SYNGR4: variants seen among roughly 807,000 people sequenced by gnomAD.
SYNGR4 encodes synaptogyrin-4.
In SYNGR4, 15 loss-of-function variants were observed where a neutral mutation model predicts 15.5. The ratio of observed to expected loss-of-function variants is 0.97; its 90% CI spans 0.65 to 1.49. The LOEUF (loss-of-function observed/expected upper bound fraction) is 1.49. Ranked by LOEUF, SYNGR4 falls within the 40% of genes most tolerant of loss-of-function variation. The pLI is 0.00. For missense variants in SYNGR4, 292 were observed against 299.3 expected, an observed-to-expected ratio of 0.98 and a Z score of 0.18; for synonymous variants, 121 against 127.4, an observed-to-expected ratio of 0.95 and a Z score of 0.34.
intron 4 of SYNGR4, 126 bp downstream of exon 4, chr19:48,375,878 G>A (rs1970394594): frequency 1.3e-6 from 2 of 1,520,002 alleles, no homozygotes; most frequent in Non-Finnish European, 1.8e-6. Context: ...GGTTCCCCCA[G>A]GACTCCACTG....
intron 4 of SYNGR4, 62 bp from the exon 5 acceptor site, chr19:48,376,023 C>T: frequency 6.2e-7 from 1 of 1,612,272 alleles, no homozygotes; most frequent in Non-Finnish European, 8.5e-7. Context: ...GTCCCCAGCC[C>T]AGTCCCTCTC....
chr19:48,373,942 C>A (rs887936052), intron 3 of SYNGR4, among the ~76,000 whole-genome samples, 188 bp downstream of exon 3: 3 of 152,164 alleles, frequency 2.0e-5, no homozygotes, highest in Non-Finnish European at 4.4e-5. Context: ...CTGCTGTCTC[C>A]TCCTGGGGAA....
At chr19:48,372,147 A>G (rs1223078393) in intron 2 of SYNGR4, among the ~76,000 whole-genome samples, 3 of 152,056 alleles carry the variant, frequency 2.0e-5, no homozygotes, top group Admixed American at 2.0e-4. Context: ...AACCTCCCAA[A>G]GTGCTGGAAT....
At chr19:48,366,663 C>G (rs1970226487) in intron 2 of SYNGR4, among the ~76,000 whole-genome samples, 1 of 152,032 alleles carries the variant, frequency 6.6e-6, no homozygotes, top group Admixed American at 6.5e-5. Context: ...ACCTCAGCCT[C>G]CCAAAGTGCT....
At chr19:48,369,090 G>A (rs1290656638) in intron 2 of SYNGR4, among the ~76,000 whole-genome samples, 3 of 152,134 alleles carry the variant, frequency 2.0e-5, no homozygotes, top group Admixed American at 1.3e-4. Context: ...TTCTGGTCAC[G>A]GACTTTGCCC....
intron 2 of SYNGR4, among the ~76,000 whole-genome samples, chr19:48,372,138 A>G (rs1212281706): frequency 1.3e-5 from 2 of 151,582 alleles, no homozygotes; most frequent in Non-Finnish European, 2.9e-5. Context: ...TCCCATCTCA[A>G]CCTCCCAAAG....
intron 2 of SYNGR4, among the ~76,000 whole-genome samples, chr19:48,366,411 G>GAA (rs1200556309): frequency 2.0e-5 from 3 of 150,692 alleles, no homozygotes; most frequent in African/African-American, 7.3e-5. Context: ...AAAGAAAAAA[G>GAA]AAAAGAAAGA....
At chr19:48,371,649 C>T (rs1290579184) in intron 2 of SYNGR4, among the ~76,000 whole-genome samples, 2 of 150,586 alleles carry the variant, frequency 1.3e-5, no homozygotes, top group Non-Finnish European at 2.9e-5. Context: ...ACAATCAGGG[C>T]TTACTGCAGC....
chr19:48,370,850 C>T (rs971679383), intron 2 of SYNGR4, among the ~76,000 whole-genome samples: 1 of 152,152 alleles, frequency 6.6e-6, no homozygotes, highest in African/African-American at 2.4e-5. Context: ...TTACTGAATT[C>T]CCCAGGGCTC....
intron 4 of SYNGR4, 150 bp downstream of exon 4, chr19:48,375,902 G>T: frequency 6.6e-7 from 1 of 1,509,606 alleles, no homozygotes; most frequent in Non-Finnish European, 8.8e-7. Context: ...CCTTCCAGGT[G>T]CCGCTTCCTC....
intron 2 of SYNGR4, among the ~76,000 whole-genome samples, chr19:48,366,734 C>A (rs1165368823): frequency 6.6e-6 from 1 of 152,154 alleles, no homozygotes; most frequent in Non-Finnish European, 1.5e-5. Flanking sequence ...CTGGGATGTC[C>A]AGTGGGGTAG....
At chr19:48,371,698 C>T (rs909105182) in intron 2 of SYNGR4, among the ~76,000 whole-genome samples, 1 of 151,898 alleles carries the variant, frequency 6.6e-6, no homozygotes, top group Non-Finnish European at 1.5e-5. Flanking sequence ...CTACCTCAGC[C>T]CCCCAAGTAC....
chr19:48,372,170 C>T (rs1361479525), intron 2 of SYNGR4, among the ~76,000 whole-genome samples: 1 of 152,112 alleles, frequency 6.6e-6, no homozygotes, highest in African/African-American at 2.4e-5. Context: ...CAGTCATGAG[C>T]CACCTCGCCC....
chr19:48,373,255 T>TGAGGTGGGGAAGACTG (rs555578188), intron 2 of SYNGR4: 3 of 499,938 alleles, frequency 6.0e-6, no homozygotes, highest in Non-Finnish European at 1.1e-5. Context: ...GGAGATGTGC[T>TGAGGTGGGGAAGACTG]GAGGTGGGGA....
At position 48,373,603 on chromosome 19, in the gene SYNGR4, C is replaced by A. The variant is rs747817987; in HGVS notation, c.180C>A (p.Asn60Lys). 5 of 1,613,788 alleles carry A rather than the reference C, an allele frequency of 3.1e-6. No homozygotes were observed. In the East Asian group the frequency reaches 1.1e-4, roughly 36 times the overall value. The change falls in exon 3 of 5, where the codon AAC becomes AAA. Residue 60 changes from asparagine (N) to lysine (K), a missense_variant. By Grantham distance (94) the Asn-to-Lys change is moderately conservative. Transcript: ENST00000344846. ...MESPQLHCIL[N>K]SNSVACSFAV... ...CTCCGCAGCTCCACTGCATTCTCAA[C>A]AGCAACAGCGTGGCCTGCAGCTTTG...
intron 1 of SYNGR4, among the ~76,000 whole-genome samples, chr19:48,365,530 A>T (rs1251410661): frequency 8.5e-6 from 1 of 118,294 alleles, no homozygotes; most frequent in Non-Finnish European, 1.7e-5. Flanking sequence ...CTGCACCCCC[A>T]TCCTACGTCC....
intron 3 of SYNGR4, among the ~76,000 whole-genome samples, chr19:48,375,236 G>A (rs1457081976): frequency 1.3e-5 from 2 of 151,826 alleles, no homozygotes; most frequent in African/African-American, 2.4e-5. Flanking sequence ...ATGTTGCCCG[G>A]GCTGGTCTCG....
intron 3 of SYNGR4, 132 bp from the exon 4 acceptor site, chr19:48,375,481 T>TA (rs1037538250): frequency 9.3e-6 from 11 of 1,181,410 alleles, no homozygotes; most frequent in Admixed American, 2.3e-5. Flanking sequence ...TAGAAGCTAA[T>TA]AAAAAAAGTA....
intron 2 of SYNGR4, among the ~76,000 whole-genome samples, chr19:48,371,168 T>C (rs1970298921): frequency 6.6e-6 from 1 of 152,188 alleles, no homozygotes; most frequent in African/African-American, 2.4e-5. Flanking sequence ...AACTGCCCGC[T>C]CTGCAGCATC....
Sources: gnomAD v4.1 joint callset for allele counts (sites outside exome capture counted in the v4.1 genomes callset) on GRCh38, gnomAD v4.1.1 for gene constraint, MANE v1.5 for transcripts, NCBI Gene and HGNC (gene_info 2026-07-23, HGNC 2026-07-21) for gene names.